CR1: variants seen among roughly 807,000 people sequenced by gnomAD.
CR1 encodes complement receptor type 1.
A neutral mutation model predicts 187.3 loss-of-function variants in CR1; 116 were observed. The observed-to-expected ratio is 0.62, with a 90% confidence interval of 0.53 to 0.72. The LOEUF (loss-of-function observed/expected upper bound fraction) is 0.72. CR1 is among the 30% of genes least tolerant of loss of function. The pLI is 0.00. For synonymous variants in CR1, 576 were observed against 747.1 expected (o/e 0.77, Z 3.73); for missense variants, 1,731 against 2,110.7 (o/e 0.82, Z 3.52).
At chr1:207,592,431 G>A (rs1165922338) in intron 35 of CR1, among the ~76,000 whole-genome samples, 1 of 152,184 alleles carries the variant, frequency 6.6e-6, no homozygotes, top group Admixed American at 6.5e-5. Flanking sequence ...ACTAGGTATT[G>A]ATGGAATATG....
chr1:207,573,411 G>A (rs2476541), intron 27 of CR1, among the ~76,000 whole-genome samples: 47 of 151,836 alleles, frequency 3.1e-4, no homozygotes, highest in African/African-American at 7.8e-4. Context: ...ATTTTTAAAT[G>A]CAATTGGTAA....
In CR1 at chr1:207,506,052, A is replaced by G. The variant is rs372162912; in HGVS notation, c.270A>G (p.Ser90=). 75 of 1,613,870 alleles carry G rather than the reference A, an allele frequency of 4.6e-5. No homozygotes were observed. The highest frequency in any genetic ancestry group is 6.1e-5 in the Non-Finnish European group (72 of 1,179,874). Residue 90 remains serine, a synonymous_variant, in exon 2 of 47, where the codon TCA becomes TCG. Coordinates refer to ENST00000367049, the MANE Select transcript of CR1 (RefSeq NM_000651.6). The part of the protein sequence containing the change: ...RPFSIICLKN[S]VWTGAKDRCR... ...TTTCTATCATCTGCCTAAAAAACTC[A>G]GTCTGGACTGGTGCTAAGGACAGGT...
intron 39 of CR1, among the ~76,000 whole-genome samples, chr1:207,613,845 C>G: frequency 6.6e-6 from 1 of 152,050 alleles, no homozygotes; most frequent in South Asian, 2.1e-4. Context: ...GACTCTTCCC[C>G]CCTCCCTTCT....
Position 207,609,404 on chromosome 1 carries a change from G to C in CR1, c.6011G>C (p.Gly2004Ala), listed in dbSNP as rs1661845280. The change falls in exon 37 of 47, where the codon GGA (glycine) becomes GCA (alanine). Residue 2004 changes from glycine (G) to alanine (A), a missense_variant. Around this residue, in one of 5 missense-constraint regions of CR1, gnomAD observed 1,312 missense variants for 1,379.6 expected, o/e 0.95. Transcript: ENST00000367049. ...TACCAGTGCCACACTGGACCAGATGGAGAACAGCTGTTTGAGCTTGTGGGA... is the reference window on the plus strand; with the variant it reads ...TACCAGTGCCACACTGGACCAGATGCAGAACAGCTGTTTGAGCTTGTGGGA... ...VTYQCHTGPDGEQLFELVGER... is the reference protein window; with the variant it reads ...VTYQCHTGPDAEQLFELVGER... The C allele has an allele frequency of 5.0e-6, 8 of 1,613,992 alleles. No homozygotes were observed. The East Asian group carries it at 1.8e-4, about 36-fold the overall frequency.
rs765016539 is a variant in CR1, at chr1:207,577,821, ACC to A, written c.4558_4559del (p.Pro1520AsnfsTer9). ...PICQRIPCGLPPTIANGDFIS... is the reference protein window; with the variant it reads ...PICQRIPCGLXPTIANGDFIS... The stretch of plus-strand genomic sequence containing the variant: ...CTTTTCCAGGAATTCCTTGTGGGCT[ACC>A]CCCAACCATCGCCAATGGAGATTTC... On this transcript the variant is annotated frameshift_variant, in exon 29 of 47. Transcript: ENST00000367049. LOFTEE classifies it high-confidence loss of function. 1.9e-6 allele frequency: 3 copies of A among 1,613,800 alleles called. No homozygotes were observed. Among genetic ancestry groups the A allele is most frequent in the East Asian group, 2.2e-5 (1 of 44,852 alleles).
In CR1 at chr1:207,609,608, G is replaced by T. The variant is rs180783183; in HGVS notation, c.6215G>T (p.Gly2072Val). ...ATCATCAGATTTAGATGTCAGCCCG[G>T]GTTTGTCATGGTAGGGTCCCACACT... ...TEIIRFRCQP[G>V]FVMVGSHTVQ... Residue 2072 changes from glycine to valine, a missense_variant, in exon 37 of 47, where the codon GGG becomes GTG. Gly to Val is a moderately radical substitution (Grantham distance 109). Transcript: ENST00000367049. 56 of 1,612,258 alleles carry T rather than the reference G, an allele frequency of 3.5e-5. 1 individual carries two copies. The highest frequency in any genetic ancestry group is 5.1e-6 in the Non-Finnish European group (6 of 1,179,118).
chr1:207,581,143 T>G (rs1660925209), intron 31 of CR1, among the ~76,000 whole-genome samples: 1 of 152,076 alleles, frequency 6.6e-6, no homozygotes, highest in African/African-American at 2.4e-5. Flanking sequence ...TATGGACACG[T>G]ATATGTATAC....
At chr1:207,523,498 A>G (rs1340665356) in intron 4 of CR1, 113 bp from the exon 5 acceptor site, 2 of 1,524,256 alleles carry the variant, frequency 1.3e-6, no homozygotes, top group Admixed American at 2.0e-5. Flanking sequence ...TGTGTTAGCA[A>G]AGATTAAAAG....
At chr1:207,616,905 G>T in intron 41 of CR1, 103 bp downstream of exon 41, 1 of 1,485,484 alleles carries the variant, frequency 6.7e-7, no homozygotes, top group Non-Finnish European at 9.1e-7. Context: ...AAATGGCTTT[G>T]CTGTAACTGT....
intron 35 of CR1, chr1:207,606,512 T>A (rs1292938297): frequency 6.6e-6 from 1 of 152,246 alleles, no homozygotes; most frequent in Non-Finnish European, 1.5e-5. Flanking sequence ...TACTGCCTCA[T>A]CATTATATGG....
At chr1:207,566,650 CA>C (rs1571538689) in intron 24 of CR1, among the ~76,000 whole-genome samples, 1 of 150,140 alleles carries the variant, frequency 6.7e-6, no homozygotes, top group East Asian at 1.9e-4. Context: ...ATTCTCAAAA[CA>C]TGTACCTAAA....
intron 1 of CR1, among the ~76,000 whole-genome samples, chr1:207,501,592 G>A (rs1231825228): frequency 6.6e-6 from 1 of 152,102 alleles, no homozygotes; most frequent in Non-Finnish European, 1.5e-5. Context: ...ATACAACTTT[G>A]CTTTTTATAA....
chr1:207,623,790 T>C (rs1354917612), intron 45 of CR1, among the ~76,000 whole-genome samples: 1 of 152,014 alleles, frequency 6.6e-6, no homozygotes, highest in Non-Finnish European at 1.5e-5. Flanking sequence ...GCACTAGAAG[T>C]TAGATTGGGT....
chr1:207,602,776 G>A (rs1661642175), intron 35 of CR1, among the ~76,000 whole-genome samples: 1 of 152,010 alleles, frequency 6.6e-6, no homozygotes, highest in Non-Finnish European at 1.5e-5. Context: ...GGAATTATTT[G>A]AAAGGTTATT....
chr1:207,635,516 T>A (rs1007089550), intron 46 of CR1, among the ~76,000 whole-genome samples: 1 of 152,128 alleles, frequency 6.6e-6, no homozygotes, highest in Admixed American at 6.5e-5. Context: ...TTCCCCTAAC[T>A]CAGTAGATGG....
chr1:207,609,785 T>C (rs1235622183), intron 37 of CR1, 97 bp downstream of exon 37: 5 of 1,298,314 alleles, frequency 3.9e-6, no homozygotes, highest in Non-Finnish European at 5.0e-6. Flanking sequence ...GACTATGAAA[T>C]TGGCATAAAC....
At chr1:207,631,807 T>C (rs1218123543) in intron 46 of CR1, among the ~76,000 whole-genome samples, 6 of 152,214 alleles carry the variant, frequency 3.9e-5, no homozygotes, top group Admixed American at 3.9e-4. Flanking sequence ...AAGATCACCA[T>C]ATGCCCTAGA....
chr1:207,605,496 A>C (rs1054009999), intron 35 of CR1, among the ~76,000 whole-genome samples: 4 of 146,968 alleles, frequency 2.7e-5, no homozygotes, highest in Middle Eastern at 3.4e-3. Flanking sequence ...TCATAAAAAT[A>C]AAATCAGATT....
At chr1:207,520,644 T>C (rs527579006) in intron 4 of CR1, among the ~76,000 whole-genome samples, 1 of 152,344 alleles carries the variant, frequency 6.6e-6, no homozygotes, top group South Asian at 2.1e-4. Flanking sequence ...TTCTCTATCA[T>C]AAAGATCCTA....
Sources: gnomAD v4.1 joint callset for allele counts (sites outside exome capture counted in the v4.1 genomes callset) on GRCh38, gnomAD v4.1.1 for gene constraint, gnomAD v4.1.1 regional missense constraint, MANE v1.5 for transcripts, NCBI Gene and HGNC (gene_info 2026-07-23, HGNC 2026-07-21) for gene names.